HECTD4: variants seen among roughly 807,000 people sequenced by gnomAD.
HECTD4 encodes probable E3 ubiquitin-protein ligase HECTD4.
Under a neutral mutation model 471.5 loss-of-function variants are expected in HECTD4, and 114 were observed. That is an observed-to-expected ratio of 0.24 (90% CI 0.21 to 0.28). HECTD4 has a LOEUF of 0.28. HECTD4 is among the 10% of genes least tolerant of loss of function. The pLI is 1.00. For missense variants in HECTD4, 3,866 were observed against 5,651.5 expected, an observed-to-expected ratio of 0.68 and a Z score of 10.13; for synonymous variants, 2,012 against 2,256.0, an observed-to-expected ratio of 0.89 and a Z score of 3.07.
chr12:112,286,175 G>A (rs533906458), intron 7 of HECTD4, among the ~76,000 whole-genome samples: 4 of 152,320 alleles, frequency 2.6e-5, no homozygotes, highest in South Asian at 2.1e-4. Flanking sequence ...TAGCAAAGGC[G>A]CTCTTCAGGG....
Position 112,382,154 on chromosome 12 carries a change from AG to A in HECTD4, c.-27del. 8.2e-7 allele frequency: 1 copy of A among 1,215,214 alleles called. No homozygotes were observed. Among genetic ancestry groups the A allele is most frequent in the Admixed American group, 4.4e-5 (1 of 22,860 alleles). The allele number at this position is 1,215,214 out of a possible 1,614,324, so 75.3% of individuals were successfully genotyped here. On this transcript the variant is annotated 5_prime_UTR_variant, in exon 1 of 76. Coordinates refer to ENST00000682272, the MANE Select transcript of HECTD4 (RefSeq NM_001388303.1). ...GGCCCCGGCTGAAGGCTTGGCGCTG[AG>A]GAGCAGACGCCCGGCCGGGGGAAAC...
At chr12:112,174,652 C>A (rs939186895) in intron 66 of HECTD4, among the ~76,000 whole-genome samples, 3 of 151,950 alleles carry the variant, frequency 2.0e-5, no homozygotes, top group Admixed American at 6.6e-5. Flanking sequence ...GCAACCTCTG[C>A]CTCCTGGGTT....
intron 1 of HECTD4, among the ~76,000 whole-genome samples, chr12:112,353,082 C>A (rs1284705786): frequency 6.6e-6 from 1 of 152,152 alleles, no homozygotes; most frequent in Non-Finnish European, 1.5e-5. Context: ...TACCCCAGAC[C>A]AAAACAGAAC....
chr12:112,288,456 T>TA (rs1443863790), intron 7 of HECTD4, among the ~76,000 whole-genome samples: 1 of 151,130 alleles, frequency 6.6e-6, no homozygotes, highest in Non-Finnish European at 1.5e-5. Flanking sequence ...ACTCAGTCTA[T>TA]AAAAAAAATA....
In HECTD4 at chr12:112,203,780, G is replaced by A. The variant is rs1450631985; in HGVS notation, c.8270-8C>T. 2 of 1,548,410 alleles carry A rather than the reference G, an allele frequency of 1.3e-6. No homozygotes were observed. Among genetic ancestry groups the A allele is most frequent in the South Asian group, 1.2e-5 (1 of 82,164 alleles). ...GGGTTACTACTGTGAGACCTGAGGA[G>A]TGTAGAGGGAGAAGTTTTTCAGGAA... On this transcript the variant is annotated splice_polypyrimidine_tract_variant and splice_region_variant and intron_variant, in intron 53 of 75. Coordinates refer to ENST00000682272, the MANE Select transcript of HECTD4 (RefSeq NM_001388303.1).
intron 40 of HECTD4, among the ~76,000 whole-genome samples, chr12:112,230,385 G>A (rs141631504): frequency 1.2e-3 from 190 of 152,242 alleles, no homozygotes; most frequent in Non-Finnish European, 2.3e-3. Context: ...AACCAACACT[G>A]CATGATCTCC....
intron 11 of HECTD4, among the ~76,000 whole-genome samples, chr12:112,271,808 G>A (rs1175845271): frequency 7.2e-5 from 11 of 151,830 alleles, no homozygotes; most frequent in Admixed American, 7.2e-4. Context: ...TCTCTTTACT[G>A]AAATTCTCAA....
chr12:112,285,200 T>G (rs556806147), intron 7 of HECTD4, among the ~76,000 whole-genome samples: 1 of 152,252 alleles, frequency 6.6e-6, no homozygotes, highest in African/African-American at 2.4e-5. Context: ...TGCTGGCGAG[T>G]GAAGCCAGCA....
At chr12:112,240,094 G>C in intron 32 of HECTD4, 67 bp from the exon 33 acceptor site, 2 of 1,527,854 alleles carry the variant, frequency 1.3e-6, no homozygotes, top group Non-Finnish European at 1.8e-6. Context: ...AGCAGGAGAG[G>C]CCTCTTGAGA....
chr12:112,285,764 T>C lies in HECTD4; in HGVS notation c.1336-2462A>G, dbSNP rs533246617. 3.5e-4 allele frequency among the ~76,000 whole-genome samples: 54 copies of C among 152,202 alleles called. 1 individual carries two copies. Among genetic ancestry groups the C allele is most frequent in the Non-Finnish European group, 5.9e-4 (40 of 68,004 alleles). On this transcript the variant is annotated intron_variant, in intron 7 of 75. Transcript: ENST00000682272. ...CTTGCTACTACGATCTAGTTCCACTTTTCTAACTGCCCCTCACCCTCCCCA... is the reference window on the plus strand; with the variant it reads ...CTTGCTACTACGATCTAGTTCCACTCTTCTAACTGCCCCTCACCCTCCCCA...
chr12:112,162,700 G>A lies in HECTD4; in HGVS notation c.13121-177C>T, dbSNP rs1187268590. On this transcript the variant is annotated intron_variant, in intron 75 of 75. Transcript: ENST00000682272. The surrounding 1 kb of genome is among the most constrained non-coding windows in gnomAD (Gnocchi z 5.2). The stretch of plus-strand genomic sequence containing the variant: ...CTGCGAGATGTTCTTGGAGGGAAAA[G>A]GGGAGAGAGCTGCTGGACAGCGCAT... 8.6e-6 allele frequency: 6 copies of A among 693,710 alleles called. No homozygotes were observed. The highest frequency in any genetic ancestry group is 1.4e-5 in the Non-Finnish European group (6 of 416,456). The allele number at this position is 693,710 out of a possible 1,614,324, so 43.0% of individuals were successfully genotyped here.
intron 29 of HECTD4, among the ~76,000 whole-genome samples, chr12:112,244,764 T>C (rs918352789): frequency 3.3e-5 from 5 of 152,216 alleles, no homozygotes; most frequent in Non-Finnish European, 7.3e-5. Context: ...TGATTTATTG[T>C]CATTTAATGA....
At chr12:112,285,570 A>C (rs950572846) in intron 7 of HECTD4, among the ~76,000 whole-genome samples, 1 of 152,006 alleles carries the variant, frequency 6.6e-6, no homozygotes, top group South Asian at 2.1e-4. Flanking sequence ...ATGAATGCCA[A>C]CTCCCTGAGA....
chr12:112,249,670 G>C (rs1336162468), intron 25 of HECTD4: 1 of 155,786 alleles, frequency 6.4e-6, no homozygotes, highest in African/African-American at 2.4e-5. Flanking sequence ...ACAGACATTT[G>C]TAACTGTATG....
At chr12:112,223,716 G>A (rs1304026250) in intron 44 of HECTD4, among the ~76,000 whole-genome samples, 5 of 152,084 alleles carry the variant, frequency 3.3e-5, no homozygotes, top group East Asian at 1.9e-4. Context: ...CACCACGTCC[G>A]GCCTTCAGGA....
rs746318735 is a variant in HECTD4, at chr12:112,270,367, G to A, written c.2035C>T (p.Pro679Ser). 6.2e-7 allele frequency: 1 copy of A among 1,614,002 alleles called. No homozygotes were observed. Among genetic ancestry groups the A allele is most frequent in the Non-Finnish European group, 8.5e-7 (1 of 1,179,908 alleles). The change falls in exon 12 of 76, where the codon CCC (proline) becomes TCC (serine). Residue 679 changes from proline to serine, a missense_variant. This residue lies in a region of HECTD4 where 525 missense variants were observed against 672.6 expected (regional missense o/e 0.78). Transcript: ENST00000682272. ...AAGACACTTGTGATTGGAAGATTGG[G>A]GTTGGTGGCAAGAAGATTGAGTTGG... Reference protein sequence around the residue: ...IHQLNLLATNPNLPITSVLGK... With the variant: ...IHQLNLLATNSNLPITSVLGK...
rs754701033 is a variant in HECTD4, at chr12:112,210,096, CATT to C, written c.7783_7785del (p.Asn2595del). Reference sequence around the variant, plus strand: ...TCTGATGCAATACTGGTGCCAGCATCATTGTCACTGTCAGATGCCATGGCGAAA... The same window carrying C: ...TCTGATGCAATACTGGTGCCAGCATCGTCACTGTCAGATGCCATGGCGAAA... On this transcript the variant is annotated inframe_deletion, in exon 50 of 76. Coordinates refer to ENST00000682272, the MANE Select transcript of HECTD4 (RefSeq NM_001388303.1). 3 of 1,613,948 alleles carry C rather than the reference CATT, an allele frequency of 1.9e-6. No individual in the cohort carries two copies. Among genetic ancestry groups the C allele is most frequent in the African/African-American group, 1.3e-5 (1 of 74,932 alleles).
rs1018324513 is a variant in HECTD4, at chr12:112,237,193, C to G, written c.5291-95G>C. 1.3e-5 allele frequency: 14 copies of G among 1,112,640 alleles called. No individual in the cohort carries two copies. The African/African-American group carries it at 1.9e-4, about 15-fold the overall frequency. 68.9% of individuals were successfully genotyped at this position (1,112,640 alleles called of 1,614,324 possible). Reference sequence around the variant, plus strand: ...CGGCGAGCCCTGTCCATTTATCTTGCTTAATGTTTCATGAACCATCTAATA... The same window carrying G: ...CGGCGAGCCCTGTCCATTTATCTTGGTTAATGTTTCATGAACCATCTAATA... On this transcript the variant is annotated intron_variant, in intron 34 of 75. Coordinates refer to ENST00000682272, the MANE Select transcript of HECTD4 (RefSeq NM_001388303.1).
At chr12:112,332,962 G>A (rs771664444) in intron 1 of HECTD4, among the ~76,000 whole-genome samples, 1 of 152,096 alleles carries the variant, frequency 6.6e-6, no homozygotes, top group Non-Finnish European at 1.5e-5. Context: ...ATTATGTGAG[G>A]TCTTTTGTAA....
Sources: allele counts gnomAD v4.1 joint callset (sites outside exome capture counted in the v4.1 genomes callset), GRCh38; gene constraint gnomAD v4.1.1; regional missense constraint gnomAD v4.1.1; non-coding constraint Gnocchi (gnomAD v3.1); transcripts MANE v1.5; gene names NCBI Gene and HGNC (gene_info 2026-07-23, HGNC 2026-07-21).